Variants in SLC9A9 observed in about 807,000 individuals in gnomAD.
SLC9A9 encodes the protein sodium/hydrogen exchanger 9.
Under a neutral mutation model 77.8 loss-of-function variants are expected in SLC9A9, and 62 were observed. That is an observed-to-expected ratio of 0.80 (90% CI 0.65 to 0.98). The LOEUF is 0.98. Among genes scored for constraint, SLC9A9 ranks in the 50% least tolerant of loss-of-function variants. The probability of loss-of-function intolerance (pLI) is 0.00; values close to 1 mark genes in which losing one functional copy is unlikely to be tolerated. For synonymous variants in SLC9A9, 320 were observed against 283.5 expected, an observed-to-expected ratio of 1.13 and a Z score of -1.29; for missense variants, 775 against 774.9, an observed-to-expected ratio of 1.00 and a Z score of 0.00.
intron 12 of SLC9A9, among the ~76,000 whole-genome samples, chr3:143,448,946 AAT>A (rs2034901650): frequency 9.0e-5 from 1 of 11,078 alleles, no homozygotes; most frequent in Non-Finnish European, 1.1e-4. Context: ...TATGATATAT[AAT>A]ATATAATATA....
intron 14 of SLC9A9, among the ~76,000 whole-genome samples, chr3:143,285,070 T>C (rs1285571558): frequency 6.6e-6 from 1 of 152,182 alleles, no homozygotes; most frequent in East Asian, 1.9e-4. Flanking sequence ...TCTATTCAAC[T>C]CTCTGATGTT....
intron 14 of SLC9A9, among the ~76,000 whole-genome samples, chr3:143,280,791 G>T (rs1938195232): frequency 6.6e-6 from 1 of 152,046 alleles, no homozygotes; most frequent in South Asian, 2.1e-4. Context: ...GACCTCAGGT[G>T]ACCTGCCTGC....
At chr3:143,471,572 C>T (rs950092751) in intron 11 of SLC9A9, among the ~76,000 whole-genome samples, 5 of 152,172 alleles carry the variant, frequency 3.3e-5, no homozygotes, top group African/African-American at 9.6e-5. Context: ...CTCTTAAAAA[C>T]TCAAGAAATC....
chr3:143,281,470 C>T (rs562843242), intron 14 of SLC9A9, among the ~76,000 whole-genome samples: 64 of 152,174 alleles, frequency 4.2e-4, no homozygotes, highest in Admixed American at 5.9e-4. Flanking sequence ...GAATTGGCCA[C>T]ATCTGTAGCA....
intron 6 of SLC9A9, among the ~76,000 whole-genome samples, chr3:143,582,791 G>T (rs1426830410): frequency 6.6e-6 from 1 of 152,210 alleles, no homozygotes; most frequent in Non-Finnish European, 1.5e-5. Context: ...ATCTCTTCAA[G>T]TTTAGTGGAG....
In SLC9A9 at chr3:143,657,207, A is replaced by C. The variant is rs142075189; in HGVS notation, c.650-4847T>G. ...TAACCCTTCTGAGTTACATGAGAGA[A>C]ACAATGCCAGATCTACAAAGCTAAT... On this transcript the variant is annotated intron_variant, in intron 5 of 15. Transcript: ENST00000316549. Among the ~76,000 whole-genome samples the C allele has an allele frequency of 6.3e-3, 954 of 152,292 alleles. 12 individuals are homozygous for C. Among genetic ancestry groups the C allele is most frequent in the African/African-American group, 0.022 (903 of 41,540 alleles).
At chr3:143,339,532 C>T (rs1165234143) in intron 14 of SLC9A9, among the ~76,000 whole-genome samples, 1 of 152,022 alleles carries the variant, frequency 6.6e-6, no homozygotes, top group African/African-American at 2.4e-5. Flanking sequence ...ACATTCCCCC[C>T]CTTCTACACT....
At chr3:143,666,286 C>G (rs544136886) in intron 5 of SLC9A9, among the ~76,000 whole-genome samples, 2 of 152,212 alleles carry the variant, frequency 1.3e-5, no homozygotes, top group Non-Finnish European at 2.9e-5. Flanking sequence ...ATTCAACAGC[C>G]CTTCATGCTA....
intron 14 of SLC9A9, among the ~76,000 whole-genome samples, chr3:143,359,548 G>C (rs140543455): frequency 2.6e-5 from 4 of 152,236 alleles, no homozygotes; most frequent in East Asian, 3.9e-4. Flanking sequence ...GGTGCAGAAG[G>C]GTGCTTGGGG....
chr3:143,708,467 C>T (rs1934052470), intron 4 of SLC9A9, among the ~76,000 whole-genome samples: 1 of 152,168 alleles, frequency 6.6e-6, no homozygotes, highest in South Asian at 2.1e-4. Context: ...GAGTTAGCTC[C>T]TCACCTTTCT....
At position 143,266,673 on chromosome 3, in the gene SLC9A9, T is replaced by C. The variant is rs763642912; in HGVS notation, c.*29A>G. The C allele has an allele frequency of 1.4e-5, 22 of 1,611,658 alleles. No individual in the cohort carries two copies. The highest frequency in any genetic ancestry group is 1.7e-5 in the Non-Finnish European group (20 of 1,177,956). Reference sequence around the variant, plus strand: ...ATTCCTCAGTGAGTCTTGCATTACTTGTGATTACATCTGTACTCTTCATGC... The same window carrying C: ...ATTCCTCAGTGAGTCTTGCATTACTCGTGATTACATCTGTACTCTTCATGC... On this transcript the variant is annotated 3_prime_UTR_variant, in exon 16 of 16. Transcript: ENST00000316549.
chr3:143,682,780 A>G (rs1306073614), intron 5 of SLC9A9, among the ~76,000 whole-genome samples: 3 of 152,122 alleles, frequency 2.0e-5, no homozygotes, highest in Non-Finnish European at 4.4e-5. Context: ...CCATCTTCAA[A>G]GTCAGCAACA....
intron 8 of SLC9A9, among the ~76,000 whole-genome samples, chr3:143,557,717 T>G (rs994548242): frequency 2.0e-5 from 3 of 152,232 alleles, no homozygotes; most frequent in Admixed American, 6.5e-5. Flanking sequence ...TTTTTGCCCC[T>G]GCCCTAGAGA....
At chr3:143,505,241 C>A (rs1157903050) in intron 9 of SLC9A9, among the ~76,000 whole-genome samples, 1 of 152,156 alleles carries the variant, frequency 6.6e-6, no homozygotes, top group African/African-American at 2.4e-5. Flanking sequence ...CCCCAAAAAG[C>A]AAAACCAAAG....
At chr3:143,398,384 C>A (rs954774157) in intron 12 of SLC9A9, among the ~76,000 whole-genome samples, 1 of 152,076 alleles carries the variant, frequency 6.6e-6, no homozygotes, top group Non-Finnish European at 1.5e-5. Context: ...CTAAGGCCAA[C>A]AAAGGTATCT....
chr3:143,666,800 A>G (rs2039077671), intron 5 of SLC9A9, among the ~76,000 whole-genome samples: 1 of 152,186 alleles, frequency 6.6e-6, no homozygotes, highest in African/African-American at 2.4e-5. Context: ...CTTCAAGGAG[A>G]AATACAAAAC....
At chr3:143,624,863 C>G (rs1036720567) in intron 6 of SLC9A9, among the ~76,000 whole-genome samples, 2 of 152,160 alleles carry the variant, frequency 1.3e-5, no homozygotes, top group African/African-American at 2.4e-5. Context: ...ATCTAGAAAA[C>G]CCCATCATCT....
chr3:143,403,684 A>G (rs551492982), intron 12 of SLC9A9, among the ~76,000 whole-genome samples: 25 of 152,304 alleles, frequency 1.6e-4, no homozygotes, highest in African/African-American at 5.5e-4. Context: ...ATTAATTCTG[A>G]TAAGAAGTCA....
chr3:143,473,955 G>A (rs1004371062), intron 11 of SLC9A9, among the ~76,000 whole-genome samples: 5 of 152,210 alleles, frequency 3.3e-5, no homozygotes, highest in Non-Finnish European at 7.3e-5. Context: ...GGTTGATTAT[G>A]TCAGGTGGTA....
Sources: gnomAD v4.1 joint callset for allele counts (sites outside exome capture counted in the v4.1 genomes callset) on GRCh38, gnomAD v4.1.1 for gene constraint, MANE v1.5 for transcripts, NCBI Gene and HGNC (gene_info 2026-07-23, HGNC 2026-07-21) for gene names.